MROH2A: variants seen among roughly 807,000 people sequenced by gnomAD.
MROH2A encodes maestro heat-like repeat-containing protein family member 2A.
In MROH2A, 174 loss-of-function variants were observed where a neutral mutation model predicts 200.4. That is an observed-to-expected ratio of 0.87 (90% CI 0.77 to 0.98). MROH2A has a LOEUF of 0.98. MROH2A is among the 50% of genes least tolerant of loss of function. The probability of loss-of-function intolerance (pLI) is 0.00; values close to 1 mark genes in which losing one functional copy is unlikely to be tolerated. For synonymous variants in MROH2A, 829 were observed against 840.4 expected (o/e 0.99, Z 0.23); for missense variants, 2,045 against 2,139.6 (o/e 0.96, Z 0.87).
Position 233,810,836 on chromosome 2 carries a change from G to T in MROH2A, c.2491G>T (p.Val831Phe), listed in dbSNP as rs758004773. The change falls in exon 23 of 42, where the codon GTT (valine) becomes TTT (phenylalanine). Residue 831 changes from valine (V) to phenylalanine (F), a missense_variant. By Grantham distance (50) the Val-to-Phe change is conservative. Around this residue, in one of 3 missense-constraint regions of MROH2A, gnomAD observed 1,201 missense variants for 1,311.3 expected, o/e 0.92. Coordinates refer to ENST00000389758, the MANE Select transcript of MROH2A (RefSeq NM_001394639.1). ...KMAFMKSVVQ[V>F]TKAINNIKDL... ...GGCCTTCATGAAGAGTGTTGTGCAG[G>T]TTACCAAGGCCATCAACAACATCAA... 6.4e-7 allele frequency: 1 copy of T among 1,550,484 alleles called. No individual in the cohort carries two copies. Among genetic ancestry groups the T allele is most frequent in the South Asian group, 1.2e-5 (1 of 84,056 alleles).
intron 3 of MROH2A, among the ~76,000 whole-genome samples, chr2:233,785,788 G>A (rs952852886): frequency 6.6e-6 from 1 of 152,134 alleles, no homozygotes; most frequent in African/African-American, 2.4e-5. Context: ...CCCAATAAAG[G>A]AGGTGATTGG....
intron 3 of MROH2A, among the ~76,000 whole-genome samples, chr2:233,787,964 T>A (rs190168651): frequency 8.9e-4 from 22 of 24,590 alleles, no homozygotes; most frequent in African/African-American, 2.1e-3. Flanking sequence ...ATACATATAT[T>A]ATATATACAT....
intron 25 of MROH2A, among the ~76,000 whole-genome samples, chr2:233,814,318 C>T (rs1307046482): frequency 1.3e-5 from 2 of 152,190 alleles, no homozygotes; most frequent in Non-Finnish European, 2.9e-5. Flanking sequence ...CTTTTGTGGA[C>T]AGGTAGCCAT....
chr2:233,831,309 G>A lies in MROH2A; in HGVS notation c.4603-100G>A, dbSNP rs1447704178. The A allele has an allele frequency of 3.6e-6, 5 of 1,400,860 alleles. No individual in the cohort carries two copies. The South Asian group carries it at 6.3e-5, about 18-fold the overall frequency. 86.8% of individuals were successfully genotyped at this position (1,400,860 alleles called of 1,614,324 possible). ...GCCCTGCCTTTCTTTGGCTTGGTGA[G>A]GCTTTTCTGGGGCTGCCCTCTGGCT... On this transcript the variant is annotated intron_variant, in intron 38 of 41. Transcript: ENST00000389758.
In MROH2A at chr2:233,822,175, G is replaced by A. The variant is rs1046767203; in HGVS notation, c.3564G>A (p.Arg1188=). 2 of 1,549,822 alleles carry A rather than the reference G, an allele frequency of 1.3e-6. No individual in the cohort carries two copies. The highest frequency in any genetic ancestry group is 1.7e-6 in the Non-Finnish European group (2 of 1,146,986). ...LAVSENVPFA[R]TMLHSLMGRL... ...TGTCGGAGAACGTGCCCTTCGCCCG[G>A]ACCATGCTCCACAGCCTGATGGGCC... The change falls in exon 32 of 42, where the codon CGG becomes CGA. Residue 1188 remains arginine, a synonymous_variant. Coordinates refer to ENST00000389758, the MANE Select transcript of MROH2A (RefSeq NM_001394639.1).
Position 233,779,390 on chromosome 2 carries a change from C to T in MROH2A, c.32C>T (p.Ala11Val), listed in dbSNP as rs6431631. 1 of 1,547,828 alleles carries T rather than the reference C, an allele frequency of 6.5e-7. No individual in the cohort carries two copies. Among genetic ancestry groups the T allele is most frequent in the Non-Finnish European group, 8.7e-7 (1 of 1,144,572 alleles). Residue 11 changes from alanine (A) to valine (V), a missense_variant, in exon 2 of 42, where the codon GCC becomes GTC. Coordinates refer to ENST00000389758, the MANE Select transcript of MROH2A (RefSeq NM_001394639.1). MTEAITEAAV[A>V]SSEEVSEERD... ...GAAGCCATTACAGAAGCAGCAGTAGCCTCAAGTGAGGAGGTGTCAGAGGAA... is the reference window on the plus strand; with the variant it reads ...GAAGCCATTACAGAAGCAGCAGTAGTCTCAAGTGAGGAGGTGTCAGAGGAA...
chr2:233,777,162 T>G (rs1575879286), upstream of MROH2A, among the ~76,000 whole-genome samples: 1 of 152,336 alleles, frequency 6.6e-6, no homozygotes, highest in Non-Finnish European at 1.5e-5. Context: ...TTTGAGGTGG[T>G]TTGTTACACA....
chr2:233,816,715 C>A, intron 26 of MROH2A, 66 bp from the exon 27 acceptor site: 1 of 1,106,306 alleles, frequency 9.0e-7, no homozygotes, highest in South Asian at 1.4e-5. Context: ...TGGGCAAAAG[C>A]TGGCCAGGAA....
intron 3 of MROH2A, among the ~76,000 whole-genome samples, chr2:233,789,090 C>T (rs942073142): frequency 2.6e-5 from 4 of 151,780 alleles, no homozygotes; most frequent in East Asian, 3.9e-4. Flanking sequence ...TGGTGATAAG[C>T]GCTATCATGC....
rs968635288 is a variant in MROH2A, at chr2:233,818,050, C to T, written c.3010C>T (p.Pro1004Ser). 1.3e-6 allele frequency: 2 copies of T among 1,550,906 alleles called. No individual in the cohort carries two copies. Among genetic ancestry groups the T allele is most frequent in the African/African-American group, 1.4e-5 (1 of 73,058 alleles). The change falls in exon 28 of 42, where the codon CCG (proline) becomes TCG (serine). Residue 1004 changes from proline to serine, a missense_variant. Coordinates refer to ENST00000389758, the MANE Select transcript of MROH2A (RefSeq NM_001394639.1). ...QFGTMVGLIAPCTCDAHQRTR... is the reference protein window; with the variant it reads ...QFGTMVGLIASCTCDAHQRTR... ...TGGCACAATGGTCGGACTCATTGCCCCGTGCACCTGTGATGCCCATCAAAG... is the reference window on the plus strand; with the variant it reads ...TGGCACAATGGTCGGACTCATTGCCTCGTGCACCTGTGATGCCCATCAAAG...
At chr2:233,779,981 G>A in intron 3 of MROH2A, 129 bp downstream of exon 3, 1 of 788,778 alleles carries the variant, frequency 1.3e-6, no homozygotes, top group Non-Finnish European at 2.0e-6. Context: ...GGGCAAGACT[G>A]TGAGGTGCTT....
In MROH2A at chr2:233,789,848, G is replaced by C. The variant is rs1701610408; in HGVS notation, c.409-4G>C. ...GCCATATGTCCCTCTTCTGTCTCCTGCAGATGGAGGGCTATATGAAGGCAG... is the reference window on the plus strand; with the variant it reads ...GCCATATGTCCCTCTTCTGTCTCCTCCAGATGGAGGGCTATATGAAGGCAG... On this transcript the variant is annotated splice_polypyrimidine_tract_variant and splice_region_variant and intron_variant, in intron 4 of 41. Coordinates refer to ENST00000389758, the MANE Select transcript of MROH2A (RefSeq NM_001394639.1). 6.5e-7 allele frequency: 1 copy of C among 1,548,182 alleles called. No homozygotes were observed.
intron 11 of MROH2A, among the ~76,000 whole-genome samples, chr2:233,798,431 C>T (rs548591205): frequency 6.6e-6 from 1 of 152,200 alleles, no homozygotes; most frequent in Non-Finnish European, 1.5e-5. Context: ...CACGGTGGTG[C>T]TTTGCAACCT....
At chr2:233,810,244 T>G (rs1422740799) in intron 22 of MROH2A, among the ~76,000 whole-genome samples, 2 of 152,134 alleles carry the variant, frequency 1.3e-5, no homozygotes, top group Non-Finnish European at 2.9e-5. Flanking sequence ...TACCTGAAAC[T>G]GGGAACAAAA....
chr2:233,777,581 T>A (rs1443205739), upstream of MROH2A, among the ~76,000 whole-genome samples: 1 of 152,232 alleles, frequency 6.6e-6, no homozygotes, highest in Non-Finnish European at 1.5e-5. Context: ...CTGAATTCCA[T>A]GAAGTAGAAA....
chr2:233,789,906 C>G lies in MROH2A; in HGVS notation c.463C>G (p.Arg155Gly), dbSNP rs574554926. 2 of 1,550,288 alleles carry G rather than the reference C, an allele frequency of 1.3e-6. No homozygotes were observed. Among genetic ancestry groups the G allele is most frequent in the African/African-American group, 2.7e-5 (2 of 73,010 alleles). Residue 155 changes from arginine to glycine, a missense_variant, in exon 5 of 42, where the codon CGA becomes GGA. This residue lies in a region of MROH2A where 831 missense variants were observed against 800.0 expected (regional missense o/e 1.04). Transcript: ENST00000389758. ...VASDTLVALS[R>G]NHFSLVMYEL... ...CAGCGACACACTGGTGGCTCTGTCC[C>G]GAAACCACTTCAGCTTGGTCATGTA...
At position 233,829,729 on chromosome 2, in the gene MROH2A, TC is replaced by T. The variant is rs1336438943; in HGVS notation, c.4561del (p.Leu1521SerfsTer47). 1.3e-6 allele frequency: 2 copies of T among 1,484,234 alleles called. No individual in the cohort carries two copies. The highest frequency in any genetic ancestry group is 2.3e-5 in the Admixed American group (1 of 42,914). 91.9% of individuals were successfully genotyped at this position (1,484,234 alleles called of 1,614,324 possible). A position where few individuals can be genotyped will look rare whatever the true frequency, so the allele number is the denominator to read the frequency against. ...AAAGGGGAGGTGAAGAAGGCCTGGATCCCCCTCATGCTGCACTCCCAGGACC... is the reference window on the plus strand; with the variant it reads ...AAAGGGGAGGTGAAGAAGGCCTGGATCCCCTCATGCTGCACTCCCAGGACC... Reference protein sequence around the residue: ...FFKGEVKKAWIPLMLHSQDPC... With the variant: ...FFKGEVKKAWXPLMLHSQDPC... On this transcript the variant is annotated frameshift_variant, in exon 38 of 42. Coordinates refer to ENST00000389758, the MANE Select transcript of MROH2A (RefSeq NM_001394639.1). LOFTEE classifies it high-confidence loss of function.
chr2:233,788,298 AAT>A (rs1701502068), intron 3 of MROH2A, among the ~76,000 whole-genome samples: 1 of 119,542 alleles, frequency 8.4e-6, no homozygotes, highest in Non-Finnish European at 1.8e-5. Flanking sequence ...TAATAATAAT[AAT>A]AAAGATTGAG....
intron 35 of MROH2A, 61 bp downstream of exon 35, chr2:233,823,725 C>T: frequency 6.5e-7 from 1 of 1,526,988 alleles, no homozygotes; most frequent in South Asian, 1.2e-5. Flanking sequence ...TCCCTGGATT[C>T]TTCTGGGGAT....
Sources: allele counts gnomAD v4.1 joint callset (sites outside exome capture counted in the v4.1 genomes callset), GRCh38; gene constraint gnomAD v4.1.1; regional missense constraint gnomAD v4.1.1; transcripts MANE v1.5; gene names NCBI Gene and HGNC (gene_info 2026-07-23, HGNC 2026-07-21).